Variants in PPIG observed in about 807,000 individuals in gnomAD.
The protein encoded by PPIG is peptidyl-prolyl cis-trans isomerase G.
Under a neutral mutation model 87.9 loss-of-function variants are expected in PPIG, and 26 were observed. The observed-to-expected ratio is 0.30, with a 90% CI of 0.22 to 0.41. The LOEUF (loss-of-function observed/expected upper bound fraction) is 0.41, where lower values mean the gene tolerates loss of function less well. PPIG is among the 10% of genes least tolerant of loss of function. The pLI is 1.00. For missense variants in PPIG, 722 were observed against 879.4 expected, an observed-to-expected ratio of 0.82 and a Z score of 2.26; for synonymous variants, 308 against 276.5, an observed-to-expected ratio of 1.11 and a Z score of -1.13.
Position 169,631,552 on chromosome 2 carries a change from G to A in PPIG, c.762-214G>A, listed in dbSNP as rs1042774634. The A allele has an allele frequency of 3.1e-6, 4 of 1,308,902 alleles. No homozygotes were observed. In the Admixed American group the frequency reaches 1.6e-4, roughly 51 times the overall value. 81.1% of individuals were successfully genotyped at this position (1,308,902 alleles called of 1,614,324 possible). A position where few individuals can be genotyped will look rare whatever the true frequency, so the allele number is the denominator to read the frequency against. ...TTTTGTAGGAAAATATTTTTTGAGA[G>A]TGTGATAATCGAAACGTTTTGTTTT... On this transcript the variant is annotated intron_variant, in intron 10 of 13. Coordinates refer to ENST00000260970, the MANE Select transcript of PPIG (RefSeq NM_004792.3).
At chr2:169,619,156 A>G (rs13017020) in intron 9 of PPIG, among the ~76,000 whole-genome samples, 97,674 of 152,038 alleles carry the variant, frequency 0.64, 31,922 homozygotes, top group African/African-American at 0.78. Flanking sequence ...CAGGTTGTTC[A>G]GTTTCCATGT....
At chr2:169,612,172 T>A (rs938321590) in intron 7 of PPIG, among the ~76,000 whole-genome samples, 3 of 152,050 alleles carry the variant, frequency 2.0e-5, no homozygotes, top group Admixed American at 1.3e-4. Context: ...TGTACAACCA[T>A]CACCACTATT....
chr2:169,594,038 C>T (rs1028138123), intron 1 of PPIG, among the ~76,000 whole-genome samples: 4 of 152,046 alleles, frequency 2.6e-5, no homozygotes, highest in African/African-American at 7.2e-5. Flanking sequence ...GAGACAATTT[C>T]ACTTTTTTGT....
rs767424686 is a variant in PPIG, at chr2:169,630,792, A to G, written c.566A>G (p.Lys189Arg). 2 of 1,599,834 alleles carry G rather than the reference A, an allele frequency of 1.3e-6. No homozygotes were observed. Among genetic ancestry groups the G allele is most frequent in the Non-Finnish European group, 1.7e-6 (2 of 1,176,584 alleles). ...PKSKVKKEEK[K>R]RHKSSSSSSS... ...ATTAAAGTTAAGAAAGAAGAAAAGA[A>G]AAGGCATAAATCATCATCATCTTCC... The change falls in exon 10 of 14, where the codon AAA (lysine) becomes AGA (arginine). Residue 189 changes from lysine to arginine, a missense_variant. By Grantham distance (26) the Lys-to-Arg change is conservative (BLOSUM62 2). Transcript: ENST00000260970.
In PPIG at chr2:169,637,239, G is replaced by A; in HGVS notation, c.1981G>A (p.Glu661Lys). ...ACACAGAAAAGAAAATTCTGAGAGT[G>A]AGAAAAGAATGTACTCTAAAAGTCG... ...SSHRKENSES[E>K]KRMYSKSRDH... The change falls in exon 14 of 14, where the codon GAG (glutamate) becomes AAG (lysine). Residue 661 changes from glutamate to lysine, a missense_variant. Coordinates refer to ENST00000260970, the MANE Select transcript of PPIG (RefSeq NM_004792.3). The A allele has an allele frequency of 1.2e-6, 2 of 1,613,354 alleles. No individual in the cohort carries two copies. Among genetic ancestry groups the A allele is most frequent in the Non-Finnish European group, 8.5e-7 (1 of 1,179,894 alleles).
intron 7 of PPIG, 47 bp downstream of exon 7, chr2:169,608,805 G>A (rs747483260): frequency 3.6e-5 from 50 of 1,374,004 alleles, no homozygotes; most frequent in Admixed American, 2.1e-4. Context: ...TTTTTGGGCC[G>A]GGCACGGTGG....
At chr2:169,597,164 A>G (rs1235003235) in intron 1 of PPIG, among the ~76,000 whole-genome samples, 1 of 152,162 alleles carries the variant, frequency 6.6e-6, no homozygotes, top group African/African-American at 2.4e-5. Context: ...TGTTATAATA[A>G]TTTTTAATAG....
At chr2:169,587,272 C>T (rs377328366) in intron 1 of PPIG, among the ~76,000 whole-genome samples, 69 of 146,372 alleles carry the variant, frequency 4.7e-4, no homozygotes, top group African/African-American at 1.7e-3. Flanking sequence ...GACAGAGTCT[C>T]GCTGTCTTGC....
At position 169,584,429 on chromosome 2, in the gene PPIG, C is replaced by T. The variant is rs1051584672; in HGVS notation, c.-131C>T. 1.5e-5 allele frequency: 7 copies of T among 471,014 alleles called. No homozygotes were observed. Among genetic ancestry groups the T allele is most frequent in the Non-Finnish European group, 2.6e-5 (6 of 227,030 alleles). 29.2% of individuals were successfully genotyped at this position (471,014 alleles called of 1,614,324 possible). A position where few individuals can be genotyped will look rare whatever the true frequency, so the allele number is the denominator to read the frequency against. Reference sequence around the variant, plus strand: ...CGGGCTTTAGCGCCTTTTCTGGCGGCGGTAGATTTGAAGCGCTTCAAAGGA... The same window carrying T: ...CGGGCTTTAGCGCCTTTTCTGGCGGTGGTAGATTTGAAGCGCTTCAAAGGA... On this transcript the variant is annotated 5_prime_UTR_variant, in exon 1 of 14. Transcript: ENST00000260970.
rs181235886 is a variant in PPIG, at chr2:169,586,529, A to G, written c.-70+2039A>G. ...TGGGTGAAGAGTGTTCATTACATTTATTTTTAACCATATAGTCGATTTACT... is the reference window on the plus strand; with the variant it reads ...TGGGTGAAGAGTGTTCATTACATTTGTTTTTAACCATATAGTCGATTTACT... On this transcript the variant is annotated intron_variant, in intron 1 of 13. Coordinates refer to ENST00000260970, the MANE Select transcript of PPIG (RefSeq NM_004792.3). 8.5e-5 allele frequency among the ~76,000 whole-genome samples: 13 copies of G among 152,236 alleles called. No homozygotes were observed. In the East Asian group the frequency reaches 2.5e-3, roughly 29 times the overall value.
At chr2:169,632,134 G>A (rs1204659216) in intron 11 of PPIG, among the ~76,000 whole-genome samples, 1 of 152,152 alleles carries the variant, frequency 6.6e-6, no homozygotes. Flanking sequence ...AGTAGGTTCT[G>A]AAGTAAAGTT....
chr2:169,606,443 T>A (rs1262109318), intron 5 of PPIG, among the ~76,000 whole-genome samples: 3 of 151,576 alleles, frequency 2.0e-5, no homozygotes, highest in Non-Finnish European at 4.4e-5. Context: ...AATAGAAAAA[T>A]TTGCTGGGCA....
chr2:169,587,900 A>T (rs1684749901), intron 1 of PPIG, among the ~76,000 whole-genome samples: 1 of 152,188 alleles, frequency 6.6e-6, no homozygotes, highest in Non-Finnish European at 1.5e-5. Context: ...TCACACCTGA[A>T]ATCCCAGCAC....
chr2:169,608,858 G>A (rs1450010930), intron 7 of PPIG, 100 bp downstream of exon 7: 17 of 675,210 alleles, frequency 2.5e-5, no homozygotes, highest in East Asian at 3.5e-5. Flanking sequence ...TGAGGCGGGC[G>A]GATCACGAGG....
At chr2:169,597,961 T>G (rs1011148371) in intron 1 of PPIG, among the ~76,000 whole-genome samples, 2 of 151,288 alleles carry the variant, frequency 1.3e-5, no homozygotes, top group Non-Finnish European at 2.9e-5. Flanking sequence ...TCAGCCTTCC[T>G]AAGTGCTGGG....
chr2:169,611,804 A>G (rs1050983122), intron 7 of PPIG, among the ~76,000 whole-genome samples: 10 of 152,194 alleles, frequency 6.6e-5, no homozygotes, highest in Admixed American at 5.2e-4. Context: ...GTTACTCCTT[A>G]TATCTTCCTA....
At position 169,607,101 on chromosome 2, in the gene PPIG, T is replaced by C; in HGVS notation, c.245-3T>C. The stretch of plus-strand genomic sequence containing the variant: ...GTTATAAGAGTATGTTTTTCATTTT[T>C]AGGAAATGGACGAGGAGGGGAATCT... On this transcript the variant is annotated splice_polypyrimidine_tract_variant and splice_region_variant and intron_variant, in intron 5 of 13. Transcript: ENST00000260970. 1 of 1,565,708 alleles carries C rather than the reference T, an allele frequency of 6.4e-7. No homozygotes were observed. The highest frequency in any genetic ancestry group is 8.8e-7 in the Non-Finnish European group (1 of 1,140,736).
In PPIG at chr2:169,639,695, T is replaced by A. The variant is rs1373588682; in HGVS notation, c.*2172T>A. ...GTTGAGAGGACAATCAACTAGATTT[T>A]ATTTTTAGAATATAAAGAACATTTT... On this transcript the variant is annotated 3_prime_UTR_variant, in exon 14 of 14. Transcript: ENST00000260970. 6.6e-6 allele frequency: 1 copy of A among 152,164 alleles called. No individual in the cohort carries two copies. The highest frequency in any genetic ancestry group is 1.5e-5 in the Non-Finnish European group (1 of 67,990). 9.4% of individuals were successfully genotyped at this position (152,164 alleles called of 1,614,324 possible).
At chr2:169,628,142 T>C (rs1365732312) in intron 9 of PPIG, among the ~76,000 whole-genome samples, 1 of 152,108 alleles carries the variant, frequency 6.6e-6, no homozygotes, top group Non-Finnish European at 1.5e-5. Flanking sequence ...CACCAGGCAC[T>C]AAGATTACTT....
Sources: allele counts gnomAD v4.1 joint callset (sites outside exome capture counted in the v4.1 genomes callset), GRCh38; gene constraint gnomAD v4.1.1; transcripts MANE v1.5; gene names NCBI Gene and HGNC (gene_info 2026-07-23, HGNC 2026-07-21).